Variants in CALCOCO2 observed in about 807,000 individuals in gnomAD.
CALCOCO2 encodes calcium binding and coiled-coil domain 2.
CALCOCO2 carries 42 observed loss-of-function variants against 62.5 expected under a neutral mutation model. The ratio of observed to expected loss-of-function variants is 0.67; its 90% confidence interval spans 0.53 to 0.87. The LOEUF (loss-of-function observed/expected upper bound fraction) is 0.87, where lower values mean the gene tolerates loss of function less well. Among genes scored for constraint, CALCOCO2 ranks in the 40% least tolerant of loss-of-function variants. The pLI, the probability that CALCOCO2 is intolerant of heterozygous loss-of-function variation, is 0.00. For missense variants in CALCOCO2, 456 were observed against 515.0 expected (o/e 0.89, Z 1.11); for synonymous variants, 167 against 173.0 (o/e 0.97, Z 0.27).
chr17:48,862,048 C>CA (rs10540362), intron 11 of CALCOCO2, among the ~76,000 whole-genome samples: 51 of 133,710 alleles, frequency 3.8e-4, no homozygotes, highest in African/African-American at 1.1e-3. Flanking sequence ...GACTCTGTCT[C>CA]AAAAAAAAAA....
At chr17:48,838,506 A>G (rs985471929) in intron 1 of CALCOCO2, among the ~76,000 whole-genome samples, 5 of 151,912 alleles carry the variant, frequency 3.3e-5, no homozygotes, top group Non-Finnish European at 7.4e-5. Flanking sequence ...CGAGGTTAGG[A>G]GATCGAGACC....
intron 10 of CALCOCO2, among the ~76,000 whole-genome samples, chr17:48,858,718 A>G (rs1051717534): frequency 3.3e-5 from 5 of 151,936 alleles, no homozygotes; most frequent in African/African-American, 1.2e-4. Flanking sequence ...GTGCACACAC[A>G]GTTTGCAAAA....
At chr17:48,860,852 A>G (rs1221684299) in intron 11 of CALCOCO2, among the ~76,000 whole-genome samples, 1 of 152,182 alleles carries the variant, frequency 6.6e-6, no homozygotes, top group African/African-American at 2.4e-5. Flanking sequence ...CTAACCAAGG[A>G]TGACAGAAAC....
chr17:48,837,072 T>C (rs530495201), intron 1 of CALCOCO2, among the ~76,000 whole-genome samples: 3 of 151,916 alleles, frequency 2.0e-5, no homozygotes, highest in Non-Finnish European at 4.4e-5. Context: ...AGAAGAACAC[T>C]CAGAACACTC....
At chr17:48,860,804 C>T (rs1013034436) in intron 11 of CALCOCO2, among the ~76,000 whole-genome samples, 7 of 152,038 alleles carry the variant, frequency 4.6e-5, no homozygotes, top group Admixed American at 1.3e-4. Context: ...CAAGTTATGC[C>T]GCCCAGGAAC....
chr17:48,864,176 G>C lies in CALCOCO2; in HGVS notation c.*1171G>C, dbSNP rs1598051550. ...CCTCCCAGGTTCAAGCGATTCTCAT[G>C]CCTTAGCCTCCCAAGTAGCTGGGAT... On this transcript the variant is annotated 3_prime_UTR_variant, in exon 13 of 13. Coordinates refer to ENST00000258947, the MANE Select transcript of CALCOCO2 (RefSeq NM_005831.5). The C allele has an allele frequency of 1.3e-5, 2 of 148,826 alleles. No homozygotes were observed. Among genetic ancestry groups the C allele is most frequent in the African/African-American group, 4.9e-5 (2 of 40,462 alleles). The allele number at this position is 148,826 out of a possible 1,614,324, so 9.2% of individuals were successfully genotyped here.
At chr17:48,854,176 C>T (rs1426265055) in intron 9 of CALCOCO2, among the ~76,000 whole-genome samples, 1 of 149,424 alleles carries the variant, frequency 6.7e-6, no homozygotes, top group African/African-American at 2.5e-5. Flanking sequence ...ATTAGCCGGG[C>T]ATGGTGGTGG....
chr17:48,853,827 T>A (rs1482584901), intron 9 of CALCOCO2, among the ~76,000 whole-genome samples: 1 of 152,216 alleles, frequency 6.6e-6, no homozygotes, highest in East Asian at 1.9e-4. Context: ...CCTAGCAACA[T>A]TGAGCCCACA....
At chr17:48,849,107 C>T in intron 4 of CALCOCO2, 145 bp from the exon 5 acceptor site, 1 of 700,704 alleles carries the variant, frequency 1.4e-6, no homozygotes, top group South Asian at 1.8e-5. Context: ...TATACCCTTA[C>T]CTAGGTATTA....
Position 48,861,307 on chromosome 17 carries a change from C to T in CALCOCO2, c.1144+858C>T, listed in dbSNP as rs114560912. Among the ~76,000 whole-genome samples, 1,169 of 152,198 alleles carry T rather than the reference C, an allele frequency of 7.7e-3. 25 individuals are homozygous for T. The South Asian group carries it at 0.097, about 13-fold the overall frequency. ...TCTCACCTCAGTGCAACCTCCGCCT[C>T]CTGGGCTCACCTGATCCTCTCACCT... On this transcript the variant is annotated intron_variant, in intron 11 of 12. Coordinates refer to ENST00000258947, the MANE Select transcript of CALCOCO2 (RefSeq NM_005831.5).
At chr17:48,831,852 C>T (rs554045490) in intron 1 of CALCOCO2, 1 of 152,290 alleles carries the variant, frequency 6.6e-6, no homozygotes, top group East Asian at 1.9e-4. Flanking sequence ...TTGGAAACAC[C>T]ATTGCAAGTA....
At position 48,852,637 on chromosome 17, in the gene CALCOCO2, A is replaced by G. The variant is rs1463545932; in HGVS notation, c.825+9A>G. On this transcript the variant is annotated intron_variant, in intron 8 of 12. Transcript: ENST00000258947. The stretch of plus-strand genomic sequence containing the variant: ...TCAGTTTAACTGAACAGGTAGAGTC[A>G]TGAGAGAAAACAACACTTTTAGGCA... 1 of 1,608,650 alleles carries G rather than the reference A, an allele frequency of 6.2e-7. No individual in the cohort carries two copies. Among genetic ancestry groups the G allele is most frequent in the Admixed American group, 1.7e-5 (1 of 57,956 alleles).
At chr17:48,846,294 C>T in intron 2 of CALCOCO2, 2 of 588,804 alleles carry the variant, frequency 3.4e-6, no homozygotes, top group South Asian at 2.2e-5. Flanking sequence ...CACCACTGTG[C>T]CCAGTCAGTA....
intron 1 of CALCOCO2, chr17:48,831,918 A>G (rs1336262492): frequency 1.3e-5 from 2 of 152,240 alleles, no homozygotes; most frequent in Non-Finnish European, 1.5e-5. Flanking sequence ...ATTAAGGAAT[A>G]TCCAGATGGC....
chr17:48,834,242 A>T (rs1256531159), intron 1 of CALCOCO2, among the ~76,000 whole-genome samples: 15 of 151,864 alleles, frequency 9.9e-5, no homozygotes, highest in Admixed American at 9.9e-4. Context: ...TGAAAAGCTC[A>T]TTAGATGAAG....
intron 2 of CALCOCO2, among the ~76,000 whole-genome samples, chr17:48,845,369 CACTGTGTGTGTG>C (rs1457238386): frequency 5.3e-5 from 5 of 94,314 alleles, no homozygotes; most frequent in African/African-American, 2.1e-4. Flanking sequence ...ATTAAATCCT[CACTGTGTGTGTG>C]TGTGTGTGTG....
chr17:48,858,681 A>C (rs2040279137), intron 10 of CALCOCO2, among the ~76,000 whole-genome samples: 1 of 150,870 alleles, frequency 6.6e-6, no homozygotes, highest in Non-Finnish European at 1.5e-5. Context: ...TGTTTTCCTG[A>C]GTTAGTTTGA....
chr17:48,850,262 G>A (rs2040109440), intron 5 of CALCOCO2, among the ~76,000 whole-genome samples: 2 of 152,146 alleles, frequency 1.3e-5, no homozygotes, highest in Non-Finnish European at 2.9e-5. Flanking sequence ...TCACACCCCT[G>A]CACTCTAGCC....
intron 10 of CALCOCO2, chr17:48,856,530 C>T: frequency 2.2e-6 from 1 of 459,490 alleles, no homozygotes; most frequent in Non-Finnish European, 4.4e-6. Context: ...TAGTGGGGAA[C>T]TCCTTTTCTT....
Sources: gnomAD v4.1 joint callset for allele counts (sites outside exome capture counted in the v4.1 genomes callset) on GRCh38, gnomAD v4.1.1 for gene constraint, MANE v1.5 for transcripts, NCBI Gene and HGNC (gene_info 2026-07-23, HGNC 2026-07-21) for gene names.